Variants in BEAN1 observed in about 807,000 individuals in gnomAD.
BEAN1 encodes protein BEAN1.
BEAN1 carries 17 observed loss-of-function variants against 17.7 expected under a neutral mutation model. The observed-to-expected ratio is 0.96, with a 90% CI of 0.66 to 1.44. The LOEUF is 1.44. BEAN1 is among the 40% of genes most tolerant of loss of function. BEAN1 has a pLI of 0.00. For missense variants in BEAN1, 359 were observed against 374.1 expected (o/e 0.96, Z 0.33); for synonymous variants, 142 against 151.8 (o/e 0.94, Z 0.47).
chr16:66,474,353 C>T (rs950023796), intron 3 of BEAN1, among the ~76,000 whole-genome samples: 3 of 151,688 alleles, frequency 2.0e-5, no homozygotes, highest in African/African-American at 7.3e-5. Flanking sequence ...AGCCACCAGC[C>T]TGGCACCTCC....
intron 4 of BEAN1, 36 bp downstream of exon 4, chr16:66,477,746 A>G: frequency 1.3e-6 from 2 of 1,506,456 alleles, no homozygotes; most frequent in Non-Finnish European, 1.8e-6. Flanking sequence ...GCATCAGAGG[A>G]TGGGGCCCTG....
At chr16:66,493,581 C>A, downstream of BEAN1, 1 of 563,854 alleles carries the variant, frequency 1.8e-6, no homozygotes, top group Non-Finnish European at 3.1e-6. Context: ...CTCCCAGGCC[C>A]AGCCCTGGCC....
intron 2 of BEAN1, among the ~76,000 whole-genome samples, chr16:66,438,943 C>G (rs1017101562): frequency 3.3e-5 from 5 of 152,188 alleles, no homozygotes; most frequent in Admixed American, 6.5e-5. Context: ...TCCCCTCTCC[C>G]CTGCTCACTG....
chr16:66,491,623 A>C (rs531397674), intron 4 of BEAN1, among the ~76,000 whole-genome samples: 2 of 152,244 alleles, frequency 1.3e-5, no homozygotes, highest in South Asian at 4.2e-4. Flanking sequence ...GTTTCACAGA[A>C]GACAATTTTT....
At chr16:66,462,662 A>C (rs1411349497) in intron 2 of BEAN1, among the ~76,000 whole-genome samples, 1 of 152,162 alleles carries the variant, frequency 6.6e-6, no homozygotes, top group Non-Finnish European at 1.5e-5. Flanking sequence ...TTAGCTGGGC[A>C]TGGTGGTACA....
intron 2 of BEAN1, among the ~76,000 whole-genome samples, chr16:66,464,126 A>G (rs4783602): frequency 0.1 from 15,269 of 152,242 alleles, 940 homozygotes; most frequent in South Asian, 0.24. Flanking sequence ...GAATTTTCAC[A>G]TGAATTTTAA....
chr16:66,482,569 T>A lies in BEAN1; in HGVS notation c.*1644T>A. 1 of 300,596 alleles carries A rather than the reference T, an allele frequency of 3.3e-6. No homozygotes were observed. The highest frequency in any genetic ancestry group is 6.5e-6 in the Non-Finnish European group (1 of 154,768). 18.6% of individuals were successfully genotyped at this position (300,596 alleles called of 1,614,324 possible). ...GGTGTACTGTTTTCTAGGCAAAAAA[T>A]ATCTGTCTGTTGTACTGTATAGCCT... On this transcript the variant is annotated 3_prime_UTR_variant, in exon 5 of 5. Coordinates refer to ENST00000536005, the MANE Select transcript of BEAN1 (RefSeq NM_001178020.3).
At chr16:66,452,053 GC>G (rs1234624547) in intron 2 of BEAN1, among the ~76,000 whole-genome samples, 1 of 152,112 alleles carries the variant, frequency 6.6e-6, no homozygotes, top group Non-Finnish European at 1.5e-5. Flanking sequence ...CTCCCCAAAT[GC>G]CCCATAATGT....
At chr16:66,489,260 G>A (rs1443688485) in intron 4 of BEAN1, among the ~76,000 whole-genome samples, 1 of 152,120 alleles carries the variant, frequency 6.6e-6, no homozygotes, top group East Asian at 1.9e-4. Flanking sequence ...AGCATCAATA[G>A]GAAACGAATA....
downstream of BEAN1, chr16:66,484,663 G>A: frequency 2.2e-6 from 1 of 454,112 alleles, no homozygotes; most frequent in Non-Finnish European, 4.4e-6. This position sits in a 1 kb window ranked among gnomAD's most constrained non-coding sequence, Gnocchi z 4.2. Flanking sequence ...GTGTTCCCAG[G>A]AGTACCAGAT....
intron 4 of BEAN1, among the ~76,000 whole-genome samples, chr16:66,489,029 G>A (rs1964128528): frequency 6.6e-6 from 1 of 151,984 alleles, no homozygotes; most frequent in Non-Finnish European, 1.5e-5. Flanking sequence ...AAAATTAGCT[G>A]GGCGTGGTGG....
chr16:66,449,024 T>C (rs981242222), intron 2 of BEAN1, among the ~76,000 whole-genome samples: 6 of 151,238 alleles, frequency 4.0e-5, no homozygotes, highest in Non-Finnish European at 8.8e-5. Flanking sequence ...AAGAAGAAGA[T>C]AAACACATCC....
chr16:66,433,411 C>T (rs556633787), intron 1 of BEAN1, among the ~76,000 whole-genome samples: 17 of 152,318 alleles, frequency 1.1e-4, no homozygotes, highest in African/African-American at 3.1e-4. Flanking sequence ...TGCACTCAGC[C>T]GAGACTTTCA....
At chr16:66,456,503 C>A (rs986916012) in intron 2 of BEAN1, among the ~76,000 whole-genome samples, 1 of 152,130 alleles carries the variant, frequency 6.6e-6, no homozygotes, top group African/African-American at 2.4e-5. Context: ...AGCCTCTGGG[C>A]TCTTTGTGGA....
intron 4 of BEAN1, among the ~76,000 whole-genome samples, chr16:66,490,442 A>AATAAT (rs1964157768): frequency 1.5e-5 from 2 of 131,434 alleles, no homozygotes; most frequent in Non-Finnish European, 3.2e-5. Flanking sequence ...AATAAAATAA[A>AATAAT]ATAAAATAAA....
chr16:66,475,869 G>C (rs2142452404), intron 3 of BEAN1: 1 of 152,334 alleles, frequency 6.6e-6, no homozygotes, highest in Non-Finnish European at 1.5e-5. Flanking sequence ...CCAGCACTTT[G>C]GGAGGCCGAG....
At chr16:66,475,819 G>C (rs1333784377) in intron 3 of BEAN1, 1 of 152,174 alleles carries the variant, frequency 6.6e-6, no homozygotes, top group Non-Finnish European at 1.5e-5. Context: ...GAAATATAAA[G>C]AAATAAATAG....
At chr16:66,486,578 G>A (rs1964092504), downstream of BEAN1, among the ~76,000 whole-genome samples, 1 of 152,158 alleles carries the variant, frequency 6.6e-6, no homozygotes, top group Non-Finnish European at 1.5e-5. Context: ...CTGGCTGACT[G>A]AGCCTGGGTC....
At position 66,473,219 on chromosome 16, in the gene BEAN1, G is replaced by A. The variant is rs1442835064; in HGVS notation, c.289+3354G>A. On this transcript the variant is annotated intron_variant, in intron 3 of 4. Transcript: ENST00000536005. This position sits in a 1 kb window ranked among gnomAD's most constrained non-coding sequence, Gnocchi z 4.5. ...TGTAGCCTGTGGTGGCCTCGGGACTGGTGCCAATGAATGAGGCCTCGGCTC... is the reference window on the plus strand; with the variant it reads ...TGTAGCCTGTGGTGGCCTCGGGACTAGTGCCAATGAATGAGGCCTCGGCTC... Among the ~76,000 whole-genome samples, 1 of 151,972 alleles carries A rather than the reference G, an allele frequency of 6.6e-6. No individual in the cohort carries two copies. Among genetic ancestry groups the A allele is most frequent in the Non-Finnish European group, 1.5e-5 (1 of 67,972 alleles).
Sources: allele counts gnomAD v4.1 joint callset (sites outside exome capture counted in the v4.1 genomes callset), GRCh38; gene constraint gnomAD v4.1.1; non-coding constraint Gnocchi (gnomAD v3.1); transcripts MANE v1.5; gene names NCBI Gene and HGNC (gene_info 2026-07-23, HGNC 2026-07-21).